NR4A3: variants seen among roughly 807,000 people sequenced by gnomAD.
NR4A3 encodes chondrosarcoma, extraskeletal myxoid, fused to EWS.
In NR4A3, 13 loss-of-function variants were observed where a neutral mutation model predicts 55.6. That is an observed-to-expected ratio of 0.23 (90% confidence interval 0.15 to 0.37). The LOEUF (loss-of-function observed/expected upper bound fraction) is 0.37, where lower values mean the gene tolerates loss of function less well. Ranked by LOEUF, NR4A3 falls within the 10% of genes least tolerant of loss-of-function variation. The probability of loss-of-function intolerance (pLI) is 1.00; values close to 1 mark genes in which losing one functional copy is unlikely to be tolerated. For missense variants in NR4A3, 646 were observed against 822.8 expected (o/e 0.79, Z 2.63); for synonymous variants, 342 against 357.9 (o/e 0.96, Z 0.50).
In NR4A3 at chr9:99,864,086, G is replaced by A. The variant is rs1828052592; in HGVS notation, c.*219G>A. On this transcript the variant is annotated 3_prime_UTR_variant, in exon 8 of 8. Transcript: ENST00000395097. ...TGTTGGGGTTGTGTTTTATATTTAGGCATTGGGGGATGGGGTGGGAGGGGG... is the reference window on the plus strand; with the variant it reads ...TGTTGGGGTTGTGTTTTATATTTAGACATTGGGGGATGGGGTGGGAGGGGG... 1 of 448,358 alleles carries A rather than the reference G, an allele frequency of 2.2e-6. No homozygotes were observed. The highest frequency in any genetic ancestry group is 3.0e-5 in the South Asian group (1 of 32,850). 27.8% of individuals were successfully genotyped at this position (448,358 alleles called of 1,614,324 possible). A position where few individuals can be genotyped will look rare whatever the true frequency, so the allele number is the denominator to read the frequency against.
chr9:99,861,859 G>A (rs1298749273), intron 7 of NR4A3, among the ~76,000 whole-genome samples: 1 of 152,148 alleles, frequency 6.6e-6, no homozygotes, highest in African/African-American at 2.4e-5. Flanking sequence ...GGGAAACTGA[G>A]GCAGGAGGAT....
rs796755519 is a variant in NR4A3, at chr9:99,864,641, A to C, written c.*774A>C. 6.6e-5 allele frequency: 15 copies of C among 228,420 alleles called. No homozygotes were observed. The East Asian group carries it at 8.2e-4, about 12-fold the overall frequency. 14.1% of individuals were successfully genotyped at this position (228,420 alleles called of 1,614,324 possible). A position where few individuals can be genotyped will look rare whatever the true frequency, so the allele number is the denominator to read the frequency against. ...CCTTCTGAGGTATGGCCCATCCAAGACTTTTAGGCCATTCTTGATGGAACC... is the reference window on the plus strand; with the variant it reads ...CCTTCTGAGGTATGGCCCATCCAAGCCTTTTAGGCCATTCTTGATGGAACC... On this transcript the variant is annotated 3_prime_UTR_variant, in exon 8 of 8. Transcript: ENST00000395097.
intron 7 of NR4A3, 145 bp from the exon 8 acceptor site, chr9:99,863,475 G>A (rs2118186188): frequency 1.1e-6 from 1 of 897,906 alleles, no homozygotes; most frequent in East Asian, 2.6e-5. Flanking sequence ...CAAAGGCCAT[G>A]AGCTATCTCT....
intron 5 of NR4A3, among the ~76,000 whole-genome samples, chr9:99,839,757 A>G (rs1297914926): frequency 2.0e-5 from 3 of 152,260 alleles, no homozygotes; most frequent in Admixed American, 2.0e-4. Context: ...AAAAATTAGT[A>G]TAAACAGGAA....
intron 3 of NR4A3, among the ~76,000 whole-genome samples, chr9:99,830,926 T>C (rs1827427162): frequency 6.6e-6 from 1 of 152,196 alleles, no homozygotes; most frequent in South Asian, 2.1e-4. Flanking sequence ...ACAGCTTCTC[T>C]TTTCTGCAGC....
chr9:99,846,429 C>T (rs1033544365), intron 6 of NR4A3, among the ~76,000 whole-genome samples: 6 of 152,134 alleles, frequency 3.9e-5, no homozygotes, highest in East Asian at 3.9e-4. Context: ...CAAAGCCACA[C>T]CCCAAGTCAT....
chr9:99,863,669 G>C lies in NR4A3; in HGVS notation c.1683G>C (p.Lys561Asn). ...AGAGAGTCGAAGAGCTATGCAACAA[G>C]ATCACAAGCAGTTTAAAAGACCACC... ...EPKRVEELCN[K>N]ITSSLKDHQS... Residue 561 changes from lysine to asparagine, a missense_variant, in exon 8 of 8, where the codon AAG becomes AAC. Around this residue, in one of 5 missense-constraint regions of NR4A3, gnomAD observed 163 missense variants for 233.0 expected, o/e 0.70. Transcript: ENST00000395097. 1 of 1,614,018 alleles carries C rather than the reference G, an allele frequency of 6.2e-7. No homozygotes were observed. The highest frequency in any genetic ancestry group is 1.1e-5 in the South Asian group (1 of 91,074).
chr9:99,845,251 C>T (rs937679004), intron 6 of NR4A3, among the ~76,000 whole-genome samples: 1 of 152,168 alleles, frequency 6.6e-6, no homozygotes, highest in African/African-American at 2.4e-5. Context: ...GTATTTACCT[C>T]GTGGGTTTCT....
intron 2 of NR4A3, among the ~76,000 whole-genome samples, chr9:99,827,290 G>GTGTGTA (rs1554690807): frequency 4.3e-5 from 6 of 139,004 alleles, no homozygotes; most frequent in African/African-American, 1.6e-4. Flanking sequence ...GTGTGTGTGT[G>GTGTGTA]TATATATATA....
At chr9:99,826,654 T>C (rs1026652919) in intron 2 of NR4A3, 12 of 814,222 alleles carry the variant, frequency 1.5e-5, no homozygotes, top group Non-Finnish European at 2.5e-5. Context: ...TTCAAACTAG[T>C]GAGTGTATTT....
At chr9:99,848,743 C>T (rs1827798153) in intron 7 of NR4A3, among the ~76,000 whole-genome samples, 1 of 152,196 alleles carries the variant, frequency 6.6e-6, no homozygotes, top group African/African-American at 2.4e-5. Flanking sequence ...GATAAAGGAT[C>T]CCAAGGTGGG....
At chr9:99,841,142 A>T (rs968266265) in intron 5 of NR4A3, among the ~76,000 whole-genome samples, 2 of 150,558 alleles carry the variant, frequency 1.3e-5, no homozygotes, top group Non-Finnish European at 2.9e-5. Flanking sequence ...GAGGCAGGAG[A>T]CTCGCTTGAA....
Position 99,841,311 on chromosome 9 carries a change from T to A in NR4A3, c.1255-3338T>A, listed in dbSNP as rs1349195903. ...GCCGCCATGCTTCCTTCTCCTGGAC[T>A]TTGCTCCCATGGTCTATTACAACAC... On this transcript the variant is annotated intron_variant, in intron 5 of 7. Transcript: ENST00000395097. Among the ~76,000 whole-genome samples, 5 of 151,696 alleles carry A rather than the reference T, an allele frequency of 3.3e-5. No homozygotes were observed. The East Asian group carries it at 9.7e-4, about 29-fold the overall frequency.
intron 7 of NR4A3, among the ~76,000 whole-genome samples, chr9:99,855,401 T>C (rs1412552670): frequency 6.6e-6 from 1 of 151,872 alleles, no homozygotes; most frequent in Non-Finnish European, 1.5e-5. Context: ...ATTTTTAGCC[T>C]ACCACTGTTA....
intron 6 of NR4A3, among the ~76,000 whole-genome samples, chr9:99,845,418 T>C (rs1827736680): frequency 6.6e-6 from 1 of 152,200 alleles, no homozygotes; most frequent in South Asian, 2.1e-4. Flanking sequence ...GGAAAAGTGA[T>C]TTTTCAAAAA....
intron 5 of NR4A3, among the ~76,000 whole-genome samples, chr9:99,838,998 AG>A (rs1827605681): frequency 6.6e-6 from 1 of 152,278 alleles, no homozygotes; most frequent in Non-Finnish European, 1.5e-5. Context: ...AATGGCTGCT[AG>A]GTAGTAGGCA....
At position 99,825,963 on chromosome 9, in the gene NR4A3, A is replaced by G. The variant is rs935605741; in HGVS notation, c.-3+131A>G. 5.3e-6 allele frequency: 1 copy of G among 188,470 alleles called. No individual in the cohort carries two copies. Among genetic ancestry groups the G allele is most frequent in the Admixed American group, 6.2e-5 (1 of 16,168 alleles). 11.7% of individuals were successfully genotyped at this position (188,470 alleles called of 1,614,324 possible). A position where few individuals can be genotyped will look rare whatever the true frequency, so the allele number is the denominator to read the frequency against. ...GTGACTGCTGGCCGCGAATTTCACA[A>G]CACAGGTGGCTTCCTCACAGGAAGC... On this transcript the variant is annotated intron_variant, in intron 2 of 7. Transcript: ENST00000395097. This position sits in a 1 kb window ranked among gnomAD's most constrained non-coding sequence, Gnocchi z 5.0.
chr9:99,856,058 T>C (rs1351420810), intron 7 of NR4A3, among the ~76,000 whole-genome samples: 3 of 152,110 alleles, frequency 2.0e-5, no homozygotes, highest in African/African-American at 7.2e-5. Flanking sequence ...AGAGACTGGT[T>C]TCATGGAAGA....
chr9:99,832,756 G>A lies in NR4A3; in HGVS notation c.1019G>A (p.Arg340His), dbSNP rs1827470383. 2 of 1,609,362 alleles carry A rather than the reference G, an allele frequency of 1.2e-6. No individual in the cohort carries two copies. The highest frequency in any genetic ancestry group is 1.7e-6 in the Non-Finnish European group (2 of 1,176,642). The change falls in exon 4 of 8, where the codon CGT becomes CAT. Residue 340 changes from arginine (R) to histidine (H), a missense_variant. Coordinates refer to ENST00000395097, the MANE Select transcript of NR4A3 (RefSeq NM_006981.4). Reference protein sequence around the residue: ...ANKNCPVDKRRRNRCQYCRFQ... With the variant: ...ANKNCPVDKRHRNRCQYCRFQ... ...AAAAACTGCCCAGTAGACAAGAGAC[G>A]TCGAAACCGATGTCAGTACTGTCGA...
Sources: allele counts gnomAD v4.1 joint callset (sites outside exome capture counted in the v4.1 genomes callset), GRCh38; gene constraint gnomAD v4.1.1; regional missense constraint gnomAD v4.1.1; non-coding constraint Gnocchi (gnomAD v3.1); transcripts MANE v1.5; gene names NCBI Gene and HGNC (gene_info 2026-07-23, HGNC 2026-07-21).